Variants in KCNIP4 observed in about 807,000 individuals in gnomAD.
KCNIP4 encodes the protein potassium voltage-gated channel interacting protein 4.
A neutral mutation model predicts 34.0 loss-of-function variants in KCNIP4; 12 were observed. The observed-to-expected ratio is 0.35, with a 90% CI of 0.23 to 0.57. The LOEUF is 0.57. Among genes scored for constraint, KCNIP4 ranks in the 20% least tolerant of loss-of-function variants. The probability of loss-of-function intolerance (pLI) is 0.83; values close to 1 mark genes in which losing one functional copy is unlikely to be tolerated. For synonymous variants in KCNIP4, 124 were observed against 102.2 expected, an observed-to-expected ratio of 1.21 and a Z score of -1.29; for missense variants, 238 against 311.7, an observed-to-expected ratio of 0.76 and a Z score of 1.78.
intron 1 of KCNIP4, among the ~76,000 whole-genome samples, chr4:21,432,091 C>CATATATATATATATATATATATAT (rs71655634): frequency 2.7e-5 from 1 of 36,382 alleles, no homozygotes; most frequent in Non-Finnish European, 5.7e-5. Flanking sequence ...AAAATGGAAG[C>CATATATATATATATATATATATAT]ATATATATAT....
intron 1 of KCNIP4, among the ~76,000 whole-genome samples, chr4:21,678,864 C>A (rs938746599): frequency 1.3e-5 from 2 of 152,144 alleles, no homozygotes; most frequent in African/African-American, 4.8e-5. Context: ...TACCTCGGAA[C>A]GTGACTGTAC....
chr4:21,334,183 G>A (rs1715930579), intron 1 of KCNIP4, among the ~76,000 whole-genome samples: 1 of 151,982 alleles, frequency 6.6e-6, no homozygotes, highest in East Asian at 1.9e-4. Context: ...CCTCCACTCT[G>A]TGCCAGCTGT....
chr4:21,801,592 A>G (rs1161598556), intron 1 of KCNIP4, among the ~76,000 whole-genome samples: 1 of 151,856 alleles, frequency 6.6e-6, no homozygotes, highest in Non-Finnish European at 1.5e-5. Flanking sequence ...GAAGAATTTT[A>G]CTTATTTATT....
chr4:20,950,388 G>A (rs1012872027), intron 1 of KCNIP4, among the ~76,000 whole-genome samples: 11 of 152,150 alleles, frequency 7.2e-5, no homozygotes, highest in Non-Finnish European at 1.5e-4. Context: ...GGGTTCATTT[G>A]ATTCCGTTGT....
At chr4:21,915,213 A>T (rs1201990998) in intron 1 of KCNIP4, among the ~76,000 whole-genome samples, 2 of 152,208 alleles carry the variant, frequency 1.3e-5, no homozygotes, top group Non-Finnish European at 2.9e-5. Context: ...CCAGTGTTAC[A>T]ATAAAATTTT....
rs569178657 is a variant in KCNIP4, at chr4:21,518,785, C to T, written c.61+429786G>A. Among the ~76,000 whole-genome samples the T allele has an allele frequency of 7.3e-4, 111 of 152,180 alleles. 1 individual carries two copies. Among genetic ancestry groups the T allele is most frequent in the Admixed American group, 2.0e-3 (30 of 15,282 alleles). On this transcript the variant is annotated intron_variant, in intron 1 of 8. Coordinates refer to ENST00000382152, the MANE Select transcript of KCNIP4 (RefSeq NM_025221.6). ...GACCACATAGGATGTGGCCGAACTG[C>T]CAGGATATTTTCGGGGACACTGAAA... is the stretch of plus-strand genomic sequence containing the variant.
Position 21,414,624 on chromosome 4 carries a change from T to G in KCNIP4, c.62-531915A>C, listed in dbSNP as rs1724788473. 2.0e-5 allele frequency among the ~76,000 whole-genome samples: 3 copies of G among 152,132 alleles called. No homozygotes were observed. In the South Asian group the frequency reaches 6.2e-4, roughly 32 times the overall value. ...TTGAAATAGGATCTTAAAGACATAT[T>G]AGCACTCCCATGTTCATTGCAGCAC... is the stretch of plus-strand genomic sequence containing the variant. On this transcript the variant is annotated intron_variant, in intron 1 of 8. Coordinates refer to ENST00000382152, the MANE Select transcript of KCNIP4 (RefSeq NM_025221.6).
intron 1 of KCNIP4, chr4:21,848,678 G>T (rs1391972965): frequency 6.6e-6 from 1 of 152,050 alleles, no homozygotes; most frequent in Non-Finnish European, 1.5e-5. Flanking sequence ...CTCAAGAGAG[G>T]TTCTTGATCA....
chr4:21,480,427 T>C (rs1426949441), intron 1 of KCNIP4, among the ~76,000 whole-genome samples: 1 of 152,134 alleles, frequency 6.6e-6, no homozygotes, highest in Non-Finnish European at 1.5e-5. Flanking sequence ...AGGAATCTCC[T>C]TAACTTGATA....
chr4:20,786,497 T>G (rs889825864), intron 3 of KCNIP4, among the ~76,000 whole-genome samples: 4 of 152,174 alleles, frequency 2.6e-5, no homozygotes, highest in African/African-American at 4.8e-5. Context: ...TTAAATTTTC[T>G]TTATTATAGT....
At chr4:20,747,548 A>G (rs1022197068) in intron 5 of KCNIP4, among the ~76,000 whole-genome samples, 4 of 152,008 alleles carry the variant, frequency 2.6e-5, no homozygotes, top group Non-Finnish European at 4.4e-5. Context: ...TCTTCCCCCA[A>G]CCATCTCCTC....
At chr4:20,846,414 T>C (rs1268626785) in intron 3 of KCNIP4, among the ~76,000 whole-genome samples, 1 of 152,208 alleles carries the variant, frequency 6.6e-6, no homozygotes, top group East Asian at 1.9e-4. Context: ...GAACTGAAGC[T>C]ATAACTGGTT....
At chr4:21,645,962 C>T (rs1031689895) in intron 1 of KCNIP4, among the ~76,000 whole-genome samples, 7 of 152,164 alleles carry the variant, frequency 4.6e-5, no homozygotes, top group Non-Finnish European at 5.9e-5. Flanking sequence ...ATTTCAAATG[C>T]ACTTTGTTAT....
chr4:20,998,181 CCAGAGCAGGATTAGTA>C (rs1467974029), intron 1 of KCNIP4, among the ~76,000 whole-genome samples: 1 of 152,062 alleles, frequency 6.6e-6, no homozygotes, highest in African/African-American at 2.4e-5. Flanking sequence ...GCCAACAGTG[CCAGAGCAGGATTAGTA>C]AGTGAGATGT....
At chr4:20,824,440 G>T (rs918163682) in intron 3 of KCNIP4, among the ~76,000 whole-genome samples, 1 of 152,158 alleles carries the variant, frequency 6.6e-6, no homozygotes, top group South Asian at 2.1e-4. Context: ...CCAGCACTTT[G>T]GGAGGCTGAG....
chr4:20,879,864 A>C (rs1724479770), intron 2 of KCNIP4, among the ~76,000 whole-genome samples: 1 of 152,180 alleles, frequency 6.6e-6, no homozygotes, highest in Admixed American at 6.5e-5. Context: ...ATAATTCAAA[A>C]TTTAGGGGAA....
intron 3 of KCNIP4, among the ~76,000 whole-genome samples, chr4:20,788,101 T>C (rs1712243474): frequency 6.6e-6 from 1 of 152,100 alleles, no homozygotes; most frequent in African/African-American, 2.4e-5. Context: ...TGGTAAACTC[T>C]GCGGGGAAAG....
chr4:21,548,738 T>C (rs1188016474), intron 1 of KCNIP4, among the ~76,000 whole-genome samples: 1 of 152,096 alleles, frequency 6.6e-6, no homozygotes, highest in Non-Finnish European at 1.5e-5. Flanking sequence ...GTGATATGAA[T>C]GCATAAATCT....
At chr4:21,685,190 T>C (rs1282023197) in intron 1 of KCNIP4, among the ~76,000 whole-genome samples, 1 of 152,180 alleles carries the variant, frequency 6.6e-6, no homozygotes, top group East Asian at 1.9e-4. Context: ...TAACATTTTC[T>C]AAGGAATTTA....
Sources: gnomAD v4.1 joint callset for allele counts (sites outside exome capture counted in the v4.1 genomes callset) on GRCh38, gnomAD v4.1.1 for gene constraint, MANE v1.5 for transcripts, NCBI Gene and HGNC (gene_info 2026-07-23, HGNC 2026-07-21) for gene names.